ATL3: variants seen among roughly 807,000 people sequenced by gnomAD.
ATL3 encodes atlastin GTPase 3.
ATL3 carries 49 observed loss-of-function variants against 69.5 expected under a neutral mutation model. That is an observed-to-expected ratio of 0.71 (90% CI 0.56 to 0.89). ATL3 has a LOEUF of 0.89. Ranked by LOEUF, ATL3 falls within the 40% of genes least tolerant of loss-of-function variation. The probability of loss-of-function intolerance (pLI) is 0.00; values close to 1 mark genes in which losing one functional copy is unlikely to be tolerated. For synonymous variants in ATL3, 214 were observed against 224.1 expected, an observed-to-expected ratio of 0.95 and a Z score of 0.40; for missense variants, 606 against 645.7, an observed-to-expected ratio of 0.94 and a Z score of 0.67.
Position 63,633,041 on chromosome 11 carries a change from A to G in ATL3, c.1092T>C (p.Tyr364=). The change falls in exon 11 of 13, where the codon TAT becomes TAC. Residue 364 remains tyrosine, a synonymous_variant. Coordinates refer to ENST00000398868, the MANE Select transcript of ATL3 (RefSeq NM_015459.5). ...TCCCACGTACCTCTTCCATGTTGTT[A>G]TAATAAATGTCCTTGGCAGAGGCTG... ...AAAASAKDIY[Y]NNMEEVCGGE... is the part of the protein sequence containing the mutation. The G allele has an allele frequency of 2.5e-6, 4 of 1,614,128 alleles. No homozygotes were observed. The South Asian group carries it at 3.3e-5, about 13-fold the overall frequency.
intron 10 of ATL3, among the ~76,000 whole-genome samples, chr11:63,633,416 C>G (rs1012904934): frequency 2.0e-5 from 3 of 150,756 alleles, no homozygotes; most frequent in Non-Finnish European, 3.0e-5. Flanking sequence ...TTAAATTTTT[C>G]TTTTTTTTTA....
At chr11:63,629,816 G>T (rs1939245507) in intron 12 of ATL3, among the ~76,000 whole-genome samples, 1 of 152,020 alleles carries the variant, frequency 6.6e-6, no homozygotes, top group African/African-American at 2.4e-5. Flanking sequence ...TTGAGCCCAG[G>T]AGTTTTAAGT....
rs139006668 is a variant in ATL3, at chr11:63,633,049, T to C, written c.1084A>G (p.Ile362Val). The C allele has an allele frequency of 9.2e-5, 148 of 1,614,162 alleles. No homozygotes were observed. The East Asian group carries it at 3.2e-3, about 35-fold the overall frequency. Residue 362 changes from isoleucine to valine, a missense_variant, in exon 11 of 13, where the codon ATT (isoleucine) becomes GTT (valine). Coordinates refer to ENST00000398868, the MANE Select transcript of ATL3 (RefSeq NM_015459.5). ...ACCTCTTCCATGTTGTTATAATAAA[T>C]GTCCTTGGCAGAGGCTGCAGCTGCT... ...NLAAAASAKDIYYNNMEEVCG... is the reference protein window; with the variant it reads ...NLAAAASAKDVYYNNMEEVCG...
upstream of ATL3, chr11:63,671,526 C>A (rs1299117979): frequency 1.4e-5 from 20 of 1,433,212 alleles, no homozygotes; most frequent in Non-Finnish European, 1.7e-5. Context: ...AACGGACAGC[C>A]CGAGGCGTGG....
In ATL3 at chr11:63,629,278, A is replaced by G. The variant is rs768923427; in HGVS notation, c.*41T>C. ...CCGTGGCAGAAACCCAGAAATCAGT[A>G]GGGGCTTGTTGTGTTCTTGTTTGAT... On this transcript the variant is annotated 3_prime_UTR_variant, in exon 13 of 13. Coordinates refer to ENST00000398868, the MANE Select transcript of ATL3 (RefSeq NM_015459.5). The G allele has an allele frequency of 5.2e-6, 8 of 1,535,512 alleles. No individual in the cohort carries two copies. Among genetic ancestry groups the G allele is most frequent in the Non-Finnish European group, 7.2e-6 (8 of 1,108,944 alleles).
chr11:63,639,123 T>C (rs1174081565), intron 8 of ATL3, among the ~76,000 whole-genome samples: 10 of 152,216 alleles, frequency 6.6e-5, no homozygotes, highest in Admixed American at 3.9e-4. Context: ...AAAACTACGT[T>C]AGTTCTACTA....
At chr11:63,671,485 C>T (rs1940780671), upstream of ATL3, 2 of 1,462,126 alleles carry the variant, frequency 1.4e-6, no homozygotes. Flanking sequence ...GGAGCCGCGA[C>T]GGAGCGAGCG....
chr11:63,652,607 T>C (rs1281102795), intron 3 of ATL3, 32 bp from the exon 4 acceptor site: 5 of 1,500,278 alleles, frequency 3.3e-6, no homozygotes, highest in Non-Finnish European at 4.6e-6. Flanking sequence ...ACAAAAGAGA[T>C]TAAACTAAGA....
At chr11:63,661,399 T>G (rs1940415261) in intron 1 of ATL3, among the ~76,000 whole-genome samples, 1 of 152,128 alleles carries the variant, frequency 6.6e-6, no homozygotes, top group Non-Finnish European at 1.5e-5. Context: ...ACTAACTATA[T>G]TATACTTTCC....
intron 1 of ATL3, among the ~76,000 whole-genome samples, chr11:63,662,212 C>CAAAAAAAAA: frequency 1.2e-5 from 1 of 84,754 alleles, no homozygotes; most frequent in East Asian, 3.5e-4. Context: ...GACTCTATCT[C>CAAAAAAAAA]AAAAAAAAAA....
rs2134555708 is a variant in ATL3, at chr11:63,671,338, A to T, written c.-3T>A. ...GCCACTCGCTGAGGGGACAACATGG[A>T]GCCTCCGCCTTCAAAGCAGAAGCAG... On this transcript the variant is annotated 5_prime_UTR_variant, in exon 1 of 13. Transcript: ENST00000398868. 4 of 1,582,350 alleles carry T rather than the reference A, an allele frequency of 2.5e-6. No individual in the cohort carries two copies. The highest frequency in any genetic ancestry group is 1.8e-5 in the Admixed American group (1 of 56,712).
chr11:63,657,165 T>C (rs999982370), intron 3 of ATL3, among the ~76,000 whole-genome samples: 5 of 137,480 alleles, frequency 3.6e-5, no homozygotes, highest in African/African-American at 1.4e-4. Context: ...ACCAAGATGG[T>C]GCCACTGCAC....
chr11:63,631,508 C>T (rs1476865849), intron 11 of ATL3, 37 bp from the exon 12 acceptor site: 6 of 1,518,506 alleles, frequency 4.0e-6, no homozygotes, highest in Admixed American at 2.2e-5. Flanking sequence ...TAAAAGATCT[C>T]TTCAAAAACA....
At chr11:63,629,579 C>T (rs1353577216) in intron 12 of ATL3, among the ~76,000 whole-genome samples, 174 bp from the exon 13 acceptor site, 1 of 152,184 alleles carries the variant, frequency 6.6e-6, no homozygotes, top group Non-Finnish European at 1.5e-5. Context: ...CCCAAGAGAG[C>T]CAGGGGAACA....
chr11:63,640,528 C>T (rs1276567374), intron 8 of ATL3, among the ~76,000 whole-genome samples: 3 of 150,332 alleles, frequency 2.0e-5, no homozygotes, highest in Non-Finnish European at 1.5e-5. Flanking sequence ...ATCTAACCAA[C>T]TCCACATAAA....
chr11:63,637,407 G>A (rs1243882081), intron 8 of ATL3, among the ~76,000 whole-genome samples: 7 of 152,092 alleles, frequency 4.6e-5, no homozygotes, highest in Non-Finnish European at 1.0e-4. Context: ...ACTGGTCATT[G>A]ATTTATTCTT....
chr11:63,667,296 T>C (rs1940602345), intron 1 of ATL3, among the ~76,000 whole-genome samples: 1 of 152,142 alleles, frequency 6.6e-6, no homozygotes, highest in Non-Finnish European at 1.5e-5. Flanking sequence ...AGTTCAAGTA[T>C]GTAGAAAATG....
rs1425321585 is a variant in ATL3 at position 63,646,548 on chromosome 11, C to T, written c.577G>A (p.Gly193Ser). The T allele has an allele frequency of 9.4e-6, 15 of 1,603,598 alleles. No individual in the cohort carries two copies. The highest frequency in any genetic ancestry group is 8.9e-5 in the East Asian group (4 of 44,726). Residue 193 changes from glycine to serine, a missense_variant, in exon 6 of 13, where the codon GGT becomes AGT. Coordinates refer to ENST00000398868, the MANE Select transcript of ATL3 (RefSeq NM_015459.5). Reference sequence around the variant, plus strand: ...AAAATTTCATCCATTGCCAGACGACCGTATTCTGTGAAGAGCTTTAAAAAA... The same window carrying T: ...AAAATTTCATCCATTGCCAGACGACTGTATTCTGTGAAGAGCTTTAAAAAA... ...LQQLQLFTEY[G>S]RLAMDEIFQK...
intron 1 of ATL3, among the ~76,000 whole-genome samples, chr11:63,659,719 G>A (rs556750933): frequency 6.6e-6 from 1 of 152,236 alleles, no homozygotes; most frequent in East Asian, 1.9e-4. Context: ...TGGATCACTT[G>A]AGGTCAGGAG....
Sources: gnomAD v4.1 joint callset for allele counts (sites outside exome capture counted in the v4.1 genomes callset) on GRCh38, gnomAD v4.1.1 for gene constraint, MANE v1.5 for transcripts, NCBI Gene and HGNC (gene_info 2026-07-23, HGNC 2026-07-21) for gene names.